AGTPBP1: variants seen among roughly 807,000 people sequenced by gnomAD.
The protein encoded by AGTPBP1 is cytosolic carboxypeptidase 1.
In AGTPBP1, 70 loss-of-function variants were observed where a neutral mutation model predicts 143.9. The observed-to-expected ratio is 0.49, with a 90% confidence interval of 0.40 to 0.59. The LOEUF (loss-of-function observed/expected upper bound fraction) is 0.59, where lower values mean the gene tolerates loss of function less well. Among genes scored for constraint, AGTPBP1 ranks in the 20% least tolerant of loss-of-function variants. The probability of loss-of-function intolerance (pLI) is 0.00; values close to 1 mark genes in which losing one functional copy is unlikely to be tolerated. For synonymous variants in AGTPBP1, 463 were observed against 500.2 expected (o/e 0.93, Z 0.99); for missense variants, 1,229 against 1,464.5 (o/e 0.84, Z 2.62).
At chr9:85,672,938 T>C (rs1038889230) in intron 6 of AGTPBP1, among the ~76,000 whole-genome samples, 1 of 152,038 alleles carries the variant, frequency 6.6e-6, no homozygotes, top group African/African-American at 2.4e-5. Flanking sequence ...TTTCGCCATG[T>C]TGGCCAGGCT....
intron 13 of AGTPBP1, among the ~76,000 whole-genome samples, chr9:85,635,915 A>C (rs1832010626): frequency 6.6e-6 from 1 of 152,108 alleles, no homozygotes; most frequent in African/African-American, 2.4e-5. Flanking sequence ...AGCACCACTC[A>C]CAAACTGGTA....
rs755544610 is a variant in AGTPBP1, at chr9:85,633,887, GA to G, written c.1303-514del. On this transcript the variant is annotated intron_variant, in intron 13 of 25. Transcript: ENST00000357081. ...AACATTAGAAGGGTAAAGCTCTACA[GA>G]AAAAAAAAAAAAGGAGGGCAAGGCC... 1.3e-3 allele frequency among the ~76,000 whole-genome samples: 178 copies of G among 135,818 alleles called. 3 individuals are homozygous for G. In the South Asian group the frequency reaches 0.026, roughly 20 times the overall value. 89.1% of individuals were successfully genotyped at this position (135,818 alleles called of 152,430 possible). A position where few individuals can be genotyped will look rare whatever the true frequency, so the allele number is the denominator to read the frequency against.
At chr9:85,760,797 G>A in the AGTPBP1 span, among the ~76,000 whole-genome samples, 1 of 152,146 alleles carries the variant, frequency 6.6e-6, no homozygotes, top group African/African-American at 2.4e-5. Flanking sequence ...AAGAAATAAA[G>A]GGTATTCAGT....
chr9:85,681,137 A>G (rs1203652481), intron 4 of AGTPBP1, 131 bp downstream of exon 4: 1 of 799,848 alleles, frequency 1.3e-6, no homozygotes, highest in Admixed American at 3.2e-5. Context: ...AAATTATTAC[A>G]TATACGTGTG....
chr9:85,697,105 T>C (rs1279717705), intron 2 of AGTPBP1, among the ~76,000 whole-genome samples: 1 of 152,218 alleles, frequency 6.6e-6, no homozygotes, highest in Non-Finnish European at 1.5e-5. Flanking sequence ...GCTACTAAAG[T>C]ACTCCTTCCT....
chr9:85,635,350 T>A (rs1272688517), intron 13 of AGTPBP1, among the ~76,000 whole-genome samples: 4 of 152,136 alleles, frequency 2.6e-5, no homozygotes, highest in Non-Finnish European at 5.9e-5. Context: ...GGATCCCCTG[T>A]ACTACAGCTA....
At chr9:85,671,075 G>A (rs1317677325) in intron 7 of AGTPBP1, among the ~76,000 whole-genome samples, 1 of 151,774 alleles carries the variant, frequency 6.6e-6, no homozygotes, top group Non-Finnish European at 1.5e-5. Context: ...CTGAGTAGCT[G>A]AGACTGCAGG....
intron 20 of AGTPBP1, among the ~76,000 whole-genome samples, chr9:85,588,852 G>T (rs1057051935): frequency 3.9e-5 from 6 of 152,002 alleles, no homozygotes; most frequent in African/African-American, 1.4e-4. Flanking sequence ...ATAGGGAAAA[G>T]AAATAAAATA....
chr9:85,596,802 TC>T (rs1342997402), intron 17 of AGTPBP1, among the ~76,000 whole-genome samples: 2 of 151,784 alleles, frequency 1.3e-5, no homozygotes, highest in African/African-American at 4.8e-5. Context: ...CCTCTAACTC[TC>T]CGTGGATTTC....
chr9:85,559,130 A>G (rs1335521248), intron 25 of AGTPBP1, among the ~76,000 whole-genome samples: 3 of 152,252 alleles, frequency 2.0e-5, no homozygotes, highest in Non-Finnish European at 4.4e-5. Flanking sequence ...GCACAAAAAT[A>G]CTACATAGCT....
chr9:85,712,632 G>A, intron 1 of AGTPBP1, 66 bp from the exon 2 acceptor site: 2 of 733,710 alleles, frequency 2.7e-6, no homozygotes, highest in Non-Finnish European at 4.1e-6. Context: ...AGATATCACA[G>A]AAGCCATACA....
chr9:85,672,503 T>C (rs1410477912), intron 7 of AGTPBP1, 47 bp downstream of exon 7: 1 of 1,573,772 alleles, frequency 6.4e-7, no homozygotes, highest in Non-Finnish European at 8.6e-7. Flanking sequence ...ATTCTTTTTG[T>C]GTAACTTTAC....
At chr9:85,775,956 A>T in the AGTPBP1 span, among the ~76,000 whole-genome samples, 6 of 152,188 alleles carry the variant, frequency 3.9e-5, no homozygotes, top group African/African-American at 2.4e-5. Context: ...CCTTCAATCC[A>T]GTCAAGTTAA....
Position 85,586,821 on chromosome 9 carries a change from T to G in AGTPBP1, c.3033+10A>C, listed in dbSNP as rs1382312197. 1 of 1,610,850 alleles carries G rather than the reference T, an allele frequency of 6.2e-7. No individual in the cohort carries two copies. ...GACTATCCCAAGTAAAAACAAGTAT[T>G]GCTACTTACCAAGGGTAAACGCTTC... On this transcript the variant is annotated intron_variant, in intron 22 of 25. Transcript: ENST00000357081.
chr9:85,566,289 ATGGGAAG>A (rs1183534422), intron 25 of AGTPBP1, among the ~76,000 whole-genome samples: 1 of 152,004 alleles, frequency 6.6e-6, no homozygotes, highest in Non-Finnish European at 1.5e-5. Flanking sequence ...GGAGGCCGAG[ATGGGAAG>A]ACTGCTCGAG....
chr9:85,648,227 T>TA (rs1488394504), intron 11 of AGTPBP1, among the ~76,000 whole-genome samples: 1 of 152,332 alleles, frequency 6.6e-6, no homozygotes, highest in East Asian at 1.9e-4. Context: ...TTAATATACG[T>TA]AAAGTGCCAG....
At chr9:85,665,931 T>A (rs1454955583) in intron 8 of AGTPBP1, among the ~76,000 whole-genome samples, 1 of 152,198 alleles carries the variant, frequency 6.6e-6, no homozygotes, top group Non-Finnish European at 1.5e-5. Context: ...ATAACACTTA[T>A]AAGCCAGAGT....
intron 8 of AGTPBP1, 137 bp from the exon 9 acceptor site, chr9:85,661,110 C>T (rs1297953223): frequency 4.5e-6 from 3 of 666,464 alleles, no homozygotes; most frequent in Non-Finnish European, 7.1e-6. Context: ...AAGATAATTA[C>T]ACATGGTATT....
intron 17 of AGTPBP1, among the ~76,000 whole-genome samples, chr9:85,599,677 T>C (rs1312373933): frequency 2.6e-5 from 4 of 152,228 alleles, no homozygotes; most frequent in Admixed American, 6.5e-5. Context: ...AGAGATCAGA[T>C]AGCATATTTT....
Sources: allele counts gnomAD v4.1 joint callset (sites outside exome capture counted in the v4.1 genomes callset), GRCh38; gene constraint gnomAD v4.1.1; transcripts MANE v1.5; gene names NCBI Gene and HGNC (gene_info 2026-07-23, HGNC 2026-07-21).